The following PLA2G4A variants were observed in gnomAD, a reference collection of about 807,000 sequenced individuals.
The protein encoded by PLA2G4A is phospholipase A2 group IVA, also known as cytosolic phospholipase A2.
A neutral mutation model predicts 81.9 loss-of-function variants in PLA2G4A; 40 were observed. That is an observed-to-expected ratio of 0.49 (90% confidence interval 0.38 to 0.64). PLA2G4A has a LOEUF of 0.64. Among genes scored for constraint, PLA2G4A ranks in the 30% least tolerant of loss-of-function variants. PLA2G4A has a pLI of 0.00. For synonymous variants in PLA2G4A, 302 were observed against 296.9 expected, an observed-to-expected ratio of 1.02 and a Z score of -0.18; for missense variants, 715 against 905.1, an observed-to-expected ratio of 0.79 and a Z score of 2.69.
At chr1:186,887,155 C>T (rs1653965004) in intron 3 of PLA2G4A, among the ~76,000 whole-genome samples, 1 of 151,970 alleles carries the variant, frequency 6.6e-6, no homozygotes, top group South Asian at 2.1e-4. Context: ...ATTTTGACTA[C>T]ACATTTGGGA....
At chr1:186,851,031 G>A (rs1403917223) in intron 1 of PLA2G4A, among the ~76,000 whole-genome samples, 3 of 151,858 alleles carry the variant, frequency 2.0e-5, no homozygotes, top group African/African-American at 7.3e-5. Context: ...TATTTATTAT[G>A]GGCTAGGTAC....
At chr1:186,985,678 G>A (rs1239678201) in intron 17 of PLA2G4A, among the ~76,000 whole-genome samples, 1 of 152,080 alleles carries the variant, frequency 6.6e-6, no homozygotes, top group Admixed American at 6.5e-5. Context: ...CATTAGCAAA[G>A]ATTTAAGAGA....
chr1:186,912,904 A>G (rs1439865401), intron 7 of PLA2G4A, among the ~76,000 whole-genome samples: 3 of 149,114 alleles, frequency 2.0e-5, no homozygotes, highest in Admixed American at 6.7e-5. Context: ...GATTTTATCA[A>G]TAGGAAAAGT....
intron 15 of PLA2G4A, among the ~76,000 whole-genome samples, chr1:186,974,758 ATTGCAC>A (rs1290772464): frequency 6.6e-6 from 1 of 152,156 alleles, no homozygotes; most frequent in Non-Finnish European, 1.5e-5. Context: ...TCTAAAAACT[ATTGCAC>A]TTTACTCATA....
rs541483858 is a variant in PLA2G4A, at chr1:186,836,560, A to G, written c.-70+7525A>G. On this transcript the variant is annotated intron_variant, in intron 1 of 17. Coordinates refer to ENST00000367466, the MANE Select transcript of PLA2G4A (RefSeq NM_024420.3). ...GCAATTTTTTAATACTTAGAAAAAG[A>G]ACAGGTATTGTATGAAGCTATTTAG... Among the ~76,000 whole-genome samples, 13 of 152,338 alleles carry G rather than the reference A, an allele frequency of 8.5e-5. No homozygotes were observed. The East Asian group carries it at 2.5e-3, about 29-fold the overall frequency.
intron 3 of PLA2G4A, among the ~76,000 whole-genome samples, chr1:186,877,576 C>T (rs1653547684): frequency 6.6e-6 from 1 of 151,660 alleles, no homozygotes; most frequent in Non-Finnish European, 1.5e-5. Context: ...TTGTTAAACA[C>T]TTTTCCGAAA....
intron 7 of PLA2G4A, among the ~76,000 whole-genome samples, chr1:186,923,695 T>C (rs1212571785): frequency 6.6e-6 from 1 of 152,238 alleles, no homozygotes; most frequent in African/African-American, 2.4e-5. Flanking sequence ...TGAAGACTGT[T>C]GGCCATGCCT....
At chr1:186,908,590 A>G (rs1335437900) in intron 6 of PLA2G4A, among the ~76,000 whole-genome samples, 1 of 152,136 alleles carries the variant, frequency 6.6e-6, no homozygotes, top group Non-Finnish European at 1.5e-5. Context: ...CCACATGTTA[A>G]TAATGGTGCT....
chr1:186,966,211 A>C (rs1051440946), intron 15 of PLA2G4A, among the ~76,000 whole-genome samples: 2 of 151,324 alleles, frequency 1.3e-5, no homozygotes, highest in African/African-American at 4.9e-5. Flanking sequence ...GAAGAGGAAA[A>C]CTGTGTGTGT....
chr1:186,846,786 G>A (rs958571495), intron 1 of PLA2G4A, among the ~76,000 whole-genome samples: 3 of 151,604 alleles, frequency 2.0e-5, no homozygotes, highest in Admixed American at 2.0e-4. Context: ...ATATTAAATA[G>A]CTATTTTGTC....
chr1:186,922,831 G>T (rs1655400630), intron 7 of PLA2G4A, among the ~76,000 whole-genome samples: 2 of 152,196 alleles, frequency 1.3e-5, no homozygotes, highest in Non-Finnish European at 1.5e-5. Context: ...ACTCTAAGGG[G>T]GTCCACTTGA....
At chr1:186,887,728 T>G (rs866210702) in intron 3 of PLA2G4A, among the ~76,000 whole-genome samples, 2 of 152,180 alleles carry the variant, frequency 1.3e-5, no homozygotes, top group Non-Finnish European at 2.9e-5. Context: ...AATTCTACAT[T>G]TAACTTTTTC....
chr1:186,975,316 C>A (rs1014886072), intron 15 of PLA2G4A, among the ~76,000 whole-genome samples: 2 of 152,178 alleles, frequency 1.3e-5, no homozygotes, highest in African/African-American at 4.8e-5. Context: ...GTTTATGAAG[C>A]AAATGCTTTC....
chr1:186,984,087 T>C (rs1020019009), intron 17 of PLA2G4A, among the ~76,000 whole-genome samples: 2 of 152,198 alleles, frequency 1.3e-5, no homozygotes, highest in Admixed American at 1.3e-4. Flanking sequence ...GTAGACATAC[T>C]GATCACAATG....
intron 8 of PLA2G4A, 112 bp downstream of exon 8, chr1:186,933,011 A>G: frequency 1.2e-6 from 1 of 813,936 alleles, no homozygotes; most frequent in East Asian, 2.7e-5. Context: ...AATTTAAATT[A>G]CTGAAACTTT....
chr1:186,857,400 A>AAT (rs1318167846), intron 2 of PLA2G4A, among the ~76,000 whole-genome samples: 1 of 128,608 alleles, frequency 7.8e-6, no homozygotes, highest in Non-Finnish European at 1.6e-5. Context: ...TATAATATAT[A>AAT]ATATATATTA....
intron 15 of PLA2G4A, among the ~76,000 whole-genome samples, chr1:186,968,243 A>G (rs967993168): frequency 6.6e-6 from 1 of 152,140 alleles, no homozygotes; most frequent in Admixed American, 6.6e-5. Flanking sequence ...AAAAAGAATC[A>G]TTATACTTGG....
chr1:186,835,874 A>G (rs1220217240), intron 1 of PLA2G4A, among the ~76,000 whole-genome samples: 5 of 152,148 alleles, frequency 3.3e-5, no homozygotes, highest in South Asian at 4.1e-4. Flanking sequence ...AATCTGTTGG[A>G]TGCTTACTTA....
chr1:186,933,521 G>A (rs2102205633), intron 8 of PLA2G4A, among the ~76,000 whole-genome samples: 1 of 152,122 alleles, frequency 6.6e-6, no homozygotes, highest in South Asian at 2.1e-4. Context: ...TTTCCAAGAA[G>A]ATATTACATA....
Sources: gnomAD v4.1 joint callset for allele counts (sites outside exome capture counted in the v4.1 genomes callset) on GRCh38, gnomAD v4.1.1 for gene constraint, MANE v1.5 for transcripts, NCBI Gene and HGNC (gene_info 2026-07-23, HGNC 2026-07-21) for gene names.